ANO5: variants seen among roughly 807,000 people sequenced by gnomAD.
The protein encoded by ANO5 is anoctamin-5.
Under a neutral mutation model 121.0 loss-of-function variants are expected in ANO5, and 109 were observed. The observed-to-expected ratio is 0.90, with a 90% CI of 0.77 to 1.06. ANO5 has a LOEUF of 1.06. Among genes scored for constraint, ANO5 ranks in the 50% least tolerant of loss-of-function variants. The probability of loss-of-function intolerance (pLI) is 0.00; values close to 1 mark genes in which losing one functional copy is unlikely to be tolerated. For synonymous variants in ANO5, 406 were observed against 359.9 expected (o/e 1.13, Z -1.45); for missense variants, 1,064 against 1,078.5 (o/e 0.99, Z 0.19).
intron 8 of ANO5, 106 bp from the exon 9 acceptor site, chr11:22,239,459 AAAAG>A: frequency 1.3e-6 from 1 of 767,104 alleles, no homozygotes; most frequent in South Asian, 1.5e-5. Flanking sequence ...ATCTAAAAGT[AAAAG>A]AAAACATACC....
chr11:22,225,332 CT>C (rs974827749), intron 5 of ANO5, among the ~76,000 whole-genome samples: 1 of 151,820 alleles, frequency 6.6e-6, no homozygotes, highest in Non-Finnish European at 1.5e-5. Flanking sequence ...GTGGAGACAC[CT>C]TCTTGTAGTC....
intron 3 of ANO5, among the ~76,000 whole-genome samples, chr11:22,215,355 A>G (rs575496709): frequency 6.6e-6 from 1 of 152,112 alleles, no homozygotes; most frequent in South Asian, 2.1e-4. Context: ...CTGTGCATGT[A>G]TTTAGATATT....
Position 22,244,685 on chromosome 11 carries a change from T to A in ANO5, c.878+5001T>A, listed in dbSNP as rs143453523. ...GGTCTATTCTGCTGTTAATGCTTCC[T>A]GTTGTATTATAAAATCCTTGTAGTG... On this transcript the variant is annotated intron_variant, in intron 9 of 21. Coordinates refer to ENST00000324559, the MANE Select transcript of ANO5 (RefSeq NM_213599.3). 2.9e-3 allele frequency among the ~76,000 whole-genome samples: 435 copies of A among 152,166 alleles called. 1 individual carries two copies. The highest frequency in any genetic ancestry group is 9.7e-3 in the African/African-American group (402 of 41,520).
chr11:22,282,426 A>G lies in ANO5; in HGVS notation c.*2661A>G, dbSNP rs1855114465. On this transcript the variant is annotated 3_prime_UTR_variant, in exon 22 of 22. Transcript: ENST00000324559. ...TCTTATTTTTGCTGTGTCTTTTGAC[A>G]CCTCTTAGCTTTAACATTCTTCTTT... 6.6e-6 allele frequency: 1 copy of G among 152,148 alleles called. No homozygotes were observed. Among genetic ancestry groups the G allele is most frequent in the South Asian group, 2.1e-4 (1 of 4,824 alleles). 9.4% of individuals were successfully genotyped at this position (152,148 alleles called of 1,614,324 possible). A position where few individuals can be genotyped will look rare whatever the true frequency, so the allele number is the denominator to read the frequency against.
chr11:22,264,720 GAAAT>G (rs1854305849), intron 17 of ANO5, among the ~76,000 whole-genome samples: 1 of 151,910 alleles, frequency 6.6e-6, no homozygotes, highest in Admixed American at 6.6e-5. Flanking sequence ...AATAGATCAG[GAAAT>G]AAATAAAAAC....
chr11:22,236,278 T>C lies in ANO5; in HGVS notation c.762+2T>C. 1 of 1,597,296 alleles carries C rather than the reference T, an allele frequency of 6.3e-7. No homozygotes were observed. The highest frequency in any genetic ancestry group is 8.6e-7 in the Non-Finnish European group (1 of 1,165,166). Reference sequence around the variant, plus strand: ...TCATCTGCCTATCCACTCCATGATGTATGTATAGGTTTGATTGTGAAAATC... The same window carrying C: ...TCATCTGCCTATCCACTCCATGATGCATGTATAGGTTTGATTGTGAAAATC... On this transcript the variant is annotated splice_donor_variant, in intron 8 of 21. Coordinates refer to ENST00000324559, the MANE Select transcript of ANO5 (RefSeq NM_213599.3). LOFTEE classifies it high-confidence loss of function.
At chr11:22,227,722 G>C in intron 7 of ANO5, 136 bp downstream of exon 7, 1 of 1,146,536 alleles carries the variant, frequency 8.7e-7, no homozygotes, top group Non-Finnish European at 1.3e-6. Flanking sequence ...GTGATATTGG[G>C]GAGTTTGAAA....
At chr11:22,269,636 C>T (rs75222311) in intron 17 of ANO5, among the ~76,000 whole-genome samples, 2,053 of 151,154 alleles carry the variant, frequency 0.014, 61 homozygotes, top group African/African-American at 0.048. Flanking sequence ...TCTGATAAGA[C>T]TGAAATAATT....
chr11:22,195,563 G>A (rs1005626393), intron 1 of ANO5, among the ~76,000 whole-genome samples: 2 of 152,022 alleles, frequency 1.3e-5, no homozygotes, highest in South Asian at 2.1e-4. Flanking sequence ...GGAGTGTCTT[G>A]GACTATGGGT....
In ANO5 at chr11:22,247,268, A is replaced by G. The variant is rs567163186; in HGVS notation, c.879-2969A>G. Among the ~76,000 whole-genome samples the G allele has an allele frequency of 6.6e-5, 10 of 152,290 alleles. No individual in the cohort carries two copies. In the East Asian group the frequency reaches 1.9e-3, roughly 29 times the overall value. On this transcript the variant is annotated intron_variant, in intron 9 of 21. Coordinates refer to ENST00000324559, the MANE Select transcript of ANO5 (RefSeq NM_213599.3). Reference sequence around the variant, plus strand: ...GTTCTTCAAGTAGGAGTGTTGGCAAAGAAGATTTGAATGTTCACCAGGAAC... The same window carrying G: ...GTTCTTCAAGTAGGAGTGTTGGCAAGGAAGATTTGAATGTTCACCAGGAAC...
At chr11:22,203,878 C>T (rs1252810154) in intron 2 of ANO5, 28 bp downstream of exon 2, 3 of 1,368,682 alleles carry the variant, frequency 2.2e-6, no homozygotes, top group African/African-American at 2.9e-5. Context: ...GCATTAACTT[C>T]CTTATAAGTC....
rs1564918396 is a variant in ANO5, at chr11:22,218,289, T to C, written c.180+2T>C. The C allele has an allele frequency of 7.4e-6, 12 of 1,613,370 alleles. No individual in the cohort carries two copies. The East Asian group carries it at 2.7e-4, about 36-fold the overall frequency. ...TTGTTCCTGAGGCGGCGGCTTATGG[T>C]AAAACCAGTGCTGAATGATGCTGCT... On this transcript the variant is annotated splice_donor_variant, in intron 4 of 21. Transcript: ENST00000324559. LOFTEE classifies it high-confidence loss of function.
intron 17 of ANO5, among the ~76,000 whole-genome samples, chr11:22,264,482 A>T (rs966495634): frequency 6.6e-6 from 1 of 152,070 alleles, no homozygotes; most frequent in East Asian, 1.9e-4. Context: ...TTTTAAAAAA[A>T]AAACAAGCAA....
Position 22,250,021 on chromosome 11 carries a change from A to G in ANO5, c.879-216A>G, listed in dbSNP as rs112494736. 1.6e-3 allele frequency among the ~76,000 whole-genome samples: 248 copies of G among 152,254 alleles called. 2 individuals carry two copies. The highest frequency in any genetic ancestry group is 5.7e-3 in the African/African-American group (235 of 41,582). The stretch of plus-strand genomic sequence containing the variant: ...ATCTGTTATCCCTTTTAATCCTTGT[A>G]TCAGTCCTTGCAGTATGGCATAAGC... On this transcript the variant is annotated intron_variant, in intron 9 of 21. Coordinates refer to ENST00000324559, the MANE Select transcript of ANO5 (RefSeq NM_213599.3).
At chr11:22,208,281 G>A (rs543486183) in intron 2 of ANO5, among the ~76,000 whole-genome samples, 13 of 152,124 alleles carry the variant, frequency 8.5e-5, no homozygotes, top group Admixed American at 3.3e-4. Flanking sequence ...AACAACCTAA[G>A]TGTCCTACAG....
chr11:22,195,983 C>G (rs556939488), intron 1 of ANO5, among the ~76,000 whole-genome samples: 70 of 152,246 alleles, frequency 4.6e-4, no homozygotes, highest in South Asian at 1.2e-3. Flanking sequence ...ATAGTTCAGG[C>G]CACTCATATG....
At chr11:22,255,200 A>C (rs1478553722) in intron 12 of ANO5, among the ~76,000 whole-genome samples, 171 bp from the exon 13 acceptor site, 3 of 152,284 alleles carry the variant, frequency 2.0e-5, no homozygotes, top group Admixed American at 6.5e-5. Context: ...TATTGGATAC[A>C]CAATATTATG....
rs1853761986 is a variant in ANO5 at position 22,250,292 on chromosome 11, G to T, written c.934G>T (p.Glu312Ter). ...TTTTGTCTTTCTTGGATTTTACACA[G>T]AAATGCTATTCTTTGCAGCTGTAGT... ...IYFVFLGFYT[E>*]MLFFAAVVGL... Residue 312 changes from glutamate to a stop codon, truncating the protein, a stop_gained, in exon 10 of 22, where the codon GAA becomes TAA. Transcript: ENST00000324559. LOFTEE classifies it high-confidence loss of function. 1 of 1,611,052 alleles carries T rather than the reference G, an allele frequency of 6.2e-7. No homozygotes were observed.
chr11:22,272,991 TAAG>T lies in ANO5; in HGVS notation c.2235+3_2235+5del. On this transcript the variant is annotated splice_donor_5th_base_variant and intron_variant, in intron 19 of 21. Transcript: ENST00000324559. ...GCTGTCCTTTCTGTTGCAACTAATG[TAAG>T]TGGACCTATTTCGGTGGGGTGACTT... The T allele has an allele frequency of 6.2e-7, 1 of 1,613,370 alleles. No individual in the cohort carries two copies. Among genetic ancestry groups the T allele is most frequent in the African/African-American group, 1.3e-5 (1 of 75,014 alleles).
Sources: gnomAD v4.1 joint callset for allele counts (sites outside exome capture counted in the v4.1 genomes callset) on GRCh38, gnomAD v4.1.1 for gene constraint, MANE v1.5 for transcripts, NCBI Gene and HGNC (gene_info 2026-07-23, HGNC 2026-07-21) for gene names.